The following SLC22A9 variants were observed in gnomAD, a reference collection of about 807,000 sequenced individuals.
SLC22A9 encodes organic anion transporter 7.
SLC22A9 carries 64 observed loss-of-function variants against 50.1 expected under a neutral mutation model. The ratio of observed to expected loss-of-function variants is 1.28; its 90% CI spans 1.04 to 1.57. SLC22A9 has a LOEUF of 1.57. Ranked by LOEUF, SLC22A9 falls within the 40% of genes most tolerant of loss-of-function variation. SLC22A9 has a pLI of 0.00. For missense variants in SLC22A9, 757 were observed against 676.1 expected (o/e 1.12, Z -1.33); for synonymous variants, 261 against 242.5 (o/e 1.08, Z -0.71).
intron 7 of SLC22A9, among the ~76,000 whole-genome samples, 156 bp downstream of exon 7, chr11:63,406,867 A>C (rs1445708744): frequency 2.0e-5 from 3 of 152,154 alleles, no homozygotes; most frequent in Non-Finnish European, 4.4e-5. Flanking sequence ...ATTCTGCCAC[A>C]AGTTGCTGGA....
At chr11:63,383,203 T>C (rs1446103547) in intron 6 of SLC22A9, among the ~76,000 whole-genome samples, 1 of 151,884 alleles carries the variant, frequency 6.6e-6, no homozygotes, top group Non-Finnish European at 1.5e-5. Flanking sequence ...GGGAAGGGAG[T>C]GCAGTATGTG....
At chr11:63,371,855 A>G (rs2014365420) in intron 2 of SLC22A9, among the ~76,000 whole-genome samples, 1 of 152,190 alleles carries the variant, frequency 6.6e-6, no homozygotes, top group Admixed American at 6.6e-5. Flanking sequence ...ACCTTGCTGT[A>G]TGTCTCCTGA....
intron 2 of SLC22A9, among the ~76,000 whole-genome samples, chr11:63,371,984 A>G (rs1465671203): frequency 6.6e-6 from 1 of 152,180 alleles, no homozygotes; most frequent in Non-Finnish European, 1.5e-5. Flanking sequence ...TGAAAATTTG[A>G]ACCTTGAATG....
chr11:63,370,957 G>A (rs1386980739), intron 1 of SLC22A9, among the ~76,000 whole-genome samples, 178 bp from the exon 2 acceptor site: 4 of 152,196 alleles, frequency 2.6e-5, no homozygotes, highest in African/African-American at 4.8e-5. Context: ...AGTCTTCCAA[G>A]AGAAAGTTAT....
intron 4 of SLC22A9, among the ~76,000 whole-genome samples, chr11:63,374,634 T>C (rs370217918): frequency 1.3e-5 from 2 of 152,150 alleles, no homozygotes; most frequent in Non-Finnish European, 2.9e-5. Flanking sequence ...CCTTAACAAG[T>C]ATTATGGAAA....
At chr11:63,386,434 C>CTTTTTTTTTTTTTTTTTT (rs71065364) in intron 6 of SLC22A9, among the ~76,000 whole-genome samples, 1 of 33,494 alleles carries the variant, frequency 3.0e-5, no homozygotes, top group African/African-American at 1.8e-4. Context: ...TGGACCTGGA[C>CTTTTTTTTTTTTTTTTTT]TTTTTTTTTT....
At chr11:63,377,828 C>A (rs930354648) in intron 5 of SLC22A9, among the ~76,000 whole-genome samples, 1 of 151,760 alleles carries the variant, frequency 6.6e-6, no homozygotes, top group Non-Finnish European at 1.5e-5. Flanking sequence ...AAAAAGAGAG[C>A]GGATTCAAAT....
At position 63,393,226 on chromosome 11, in the gene SLC22A9, A is replaced by G. The variant is rs1040384685; in HGVS notation, c.1073+10949A>G. ...GTCTCCTTGGTTAGGTTTATTCCTA[A>G]GTATTTTAATTTTTTTGCAGCTACG... On this transcript the variant is annotated intron_variant, in intron 6 of 9. Transcript: ENST00000279178. Among the ~76,000 whole-genome samples the G allele has an allele frequency of 2.0e-5, 3 of 152,010 alleles. No individual in the cohort carries two copies. In the East Asian group the frequency reaches 5.8e-4, roughly 29 times the overall value.
chr11:63,396,472 G>A (rs1340844947), intron 6 of SLC22A9, among the ~76,000 whole-genome samples: 1 of 152,134 alleles, frequency 6.6e-6, no homozygotes, highest in East Asian at 1.9e-4. Flanking sequence ...TTTCCCCAGT[G>A]GGGGTGCGTG....
chr11:63,395,311 G>A (rs747093620), intron 6 of SLC22A9, among the ~76,000 whole-genome samples: 21 of 152,038 alleles, frequency 1.4e-4, no homozygotes, highest in Non-Finnish European at 2.9e-4. Flanking sequence ...TTGTTTAAGA[G>A]CCTTGTTTTG....
intron 5 of SLC22A9, among the ~76,000 whole-genome samples, chr11:63,376,054 T>C (rs959927828): frequency 9.9e-5 from 15 of 152,224 alleles, no homozygotes; most frequent in African/African-American, 3.4e-4. Flanking sequence ...ATTCTAACTG[T>C]GTAATAGGAG....
In SLC22A9 at chr11:63,407,842, G is replaced by A. The variant is rs539522196; in HGVS notation, c.1289-270G>A. Among the ~76,000 whole-genome samples, 166 of 152,272 alleles carry A rather than the reference G, an allele frequency of 1.1e-3. 4 individuals are homozygous for A. In the South Asian group the frequency reaches 0.033, roughly 30 times the overall value. On this transcript the variant is annotated intron_variant, in intron 7 of 9. Coordinates refer to ENST00000279178, the MANE Select transcript of SLC22A9 (RefSeq NM_080866.3). ...AAAAAACATTCAGCTCAACTTACAC[G>A]CCTCTCTCTTGCTATGGCATATCTC... is the stretch of plus-strand genomic sequence containing the variant.
At chr11:63,409,741 T>G in intron 9 of SLC22A9, 61 bp from the exon 10 acceptor site, 10 of 1,505,296 alleles carry the variant, frequency 6.6e-6, no homozygotes, top group African/African-American at 1.4e-5. Context: ...GGGACTTACA[T>G]GTTTAGTCCA....
At chr11:63,382,366 A>G in intron 6 of SLC22A9, 89 bp downstream of exon 6, 1 of 856,386 alleles carries the variant, frequency 1.2e-6, no homozygotes. Flanking sequence ...TGTTTAGGAA[A>G]CAGATTTGCA....
chr11:63,384,647 G>T (rs185512223), intron 6 of SLC22A9, among the ~76,000 whole-genome samples: 1 of 152,060 alleles, frequency 6.6e-6, no homozygotes, highest in African/African-American at 2.4e-5. Context: ...ATTCCTTTGC[G>T]TATATACTCA....
At chr11:63,371,981 T>G (rs183026438) in intron 2 of SLC22A9, among the ~76,000 whole-genome samples, 2 of 152,208 alleles carry the variant, frequency 1.3e-5, no homozygotes, top group Admixed American at 1.3e-4. Context: ...ACCTGAAAAT[T>G]TGAACCTTGA....
At chr11:63,397,662 C>A (rs1282826355) in intron 6 of SLC22A9, among the ~76,000 whole-genome samples, 3 of 152,124 alleles carry the variant, frequency 2.0e-5, no homozygotes, top group Non-Finnish European at 4.4e-5. Context: ...GCCACCACCA[C>A]CCCACGTTTA....
At chr11:63,380,118 A>G (rs1591015811) in intron 5 of SLC22A9, among the ~76,000 whole-genome samples, 1 of 152,220 alleles carries the variant, frequency 6.6e-6, no homozygotes, top group South Asian at 2.1e-4. Flanking sequence ...TAGATAAATC[A>G]AATCAAAACC....
At chr11:63,388,912 C>T (rs940164306) in intron 6 of SLC22A9, among the ~76,000 whole-genome samples, 5 of 151,882 alleles carry the variant, frequency 3.3e-5, no homozygotes, top group East Asian at 1.9e-4. Flanking sequence ...GTATGCTATT[C>T]GTGTCTAGTA....
Sources: gnomAD v4.1 joint callset for allele counts (sites outside exome capture counted in the v4.1 genomes callset) on GRCh38, gnomAD v4.1.1 for gene constraint, MANE v1.5 for transcripts, NCBI Gene and HGNC (gene_info 2026-07-23, HGNC 2026-07-21) for gene names.